The following ZNF184 variants were observed in gnomAD, a reference collection of about 807,000 sequenced individuals.
ZNF184 encodes the protein zinc finger protein 184 (Kruppel-like).
A neutral mutation model predicts 54.4 loss-of-function variants in ZNF184; 16 were observed. That is an observed-to-expected ratio of 0.29 (90% CI 0.20 to 0.45). The LOEUF is 0.45. Ranked by LOEUF, ZNF184 falls within the 20% of genes least tolerant of loss-of-function variation. The pLI is 1.00. For missense variants in ZNF184, 681 were observed against 888.2 expected, an observed-to-expected ratio of 0.77 and a Z score of 2.97; for synonymous variants, 254 against 295.3, an observed-to-expected ratio of 0.86 and a Z score of 1.43.
chr6:27,443,340 A>G, the ZNF184 span, among the ~76,000 whole-genome samples: 3 of 152,272 alleles, frequency 2.0e-5, no homozygotes, highest in East Asian at 5.8e-4. Context: ...GACACCTGCT[A>G]TCAAACTAAA....
intron 3 of ZNF184, among the ~76,000 whole-genome samples, chr6:27,460,848 T>C (rs1762976520): frequency 6.6e-6 from 1 of 152,182 alleles, no homozygotes; most frequent in Non-Finnish European, 1.5e-5. Flanking sequence ...AGAAAGAATA[T>C]AAGCAGCAGG....
the ZNF184 span, among the ~76,000 whole-genome samples, chr6:27,424,166 G>A: frequency 2.6e-5 from 4 of 152,188 alleles, no homozygotes; most frequent in South Asian, 2.1e-4. Flanking sequence ...GACCTTTGCG[G>A]TAAGTGTTAG....
At chr6:27,428,820 C>T in the ZNF184 span, among the ~76,000 whole-genome samples, 6,298 of 152,250 alleles carry the variant, frequency 0.041, 296 homozygotes, top group African/African-American at 0.12. This position sits in a 1 kb window ranked among gnomAD's most constrained non-coding sequence, Gnocchi z 4.1. Context: ...GGAGATAATA[C>T]TCCAAGTCTT....
intron 3 of ZNF184, among the ~76,000 whole-genome samples, 180 bp downstream of exon 3, chr6:27,467,673 G>A (rs543206653): frequency 1.3e-5 from 2 of 152,326 alleles, no homozygotes; most frequent in African/African-American, 4.8e-5. Context: ...CAAGTGGTAA[G>A]TGGTGAATGT....
intron 2 of ZNF184, 85 bp from the exon 3 acceptor site, chr6:27,468,005 G>T: frequency 9.1e-7 from 1 of 1,098,154 alleles, no homozygotes; most frequent in Non-Finnish European, 1.3e-6. Flanking sequence ...TCTTCTATTT[G>T]AAAATAACAG....
chr6:27,435,140 A>C, the ZNF184 span, among the ~76,000 whole-genome samples: 3 of 152,106 alleles, frequency 2.0e-5, no homozygotes, highest in Admixed American at 6.5e-5. Context: ...GGGTCCTTTG[A>C]GATACCATGT....
chr6:27,441,053 A>C, the ZNF184 span, among the ~76,000 whole-genome samples: 1 of 152,112 alleles, frequency 6.6e-6, no homozygotes, highest in Non-Finnish European at 1.5e-5. Context: ...GAAGGTGCAA[A>C]CTATCATGAA....
chr6:27,421,537 A>G, the ZNF184 span, among the ~76,000 whole-genome samples: 24 of 152,246 alleles, frequency 1.6e-4, no homozygotes, highest in Admixed American at 2.6e-4. Context: ...CCTATGAAGT[A>G]TCTGTCCACG....
chr6:27,410,307 C>T, the ZNF184 span, among the ~76,000 whole-genome samples: 2 of 152,192 alleles, frequency 1.3e-5, no homozygotes, highest in African/African-American at 2.4e-5. Flanking sequence ...GACTCCAGTA[C>T]TGGATCTCTT....
At position 27,472,493 on chromosome 6, in the gene ZNF184, CAA is replaced by C; in HGVS notation, c.-139-62_-139-61del. 1.6e-6 allele frequency: 1 copy of C among 623,710 alleles called. No homozygotes were observed. The highest frequency in any genetic ancestry group is 1.9e-5 in the South Asian group (1 of 51,796). The allele number at this position is 623,710 out of a possible 1,614,324, so 38.6% of individuals were successfully genotyped here. A position where few individuals can be genotyped will look rare whatever the true frequency, so the allele number is the denominator to read the frequency against. Reference sequence around the variant, plus strand: ...CACACAATCACACATCAGAGTCTTGCAAAGTGACCAAGAGGTGCTACACAAGA... The same window carrying C: ...CACACAATCACACATCAGAGTCTTGCAGTGACCAAGAGGTGCTACACAAGA... On this transcript the variant is annotated intron_variant, in intron 1 of 5. Transcript: ENST00000683788. This position sits in a 1 kb window ranked among gnomAD's most constrained non-coding sequence, Gnocchi z 4.8.
chr6:27,466,686 A>C (rs1763147969), intron 3 of ZNF184, among the ~76,000 whole-genome samples: 1 of 152,216 alleles, frequency 6.6e-6, no homozygotes, highest in South Asian at 2.1e-4. Flanking sequence ...TTAAAAAAAA[A>C]AATACCAAAA....
the ZNF184 span, among the ~76,000 whole-genome samples, chr6:27,410,656 C>A: frequency 6.6e-6 from 1 of 152,126 alleles, no homozygotes; most frequent in African/African-American, 2.4e-5. Flanking sequence ...CTCAGCTTCC[C>A]GAGTAGCTGA....
chr6:27,446,503 G>T (rs1167042751), downstream of ZNF184, among the ~76,000 whole-genome samples: 1 of 152,206 alleles, frequency 6.6e-6, no homozygotes, highest in Admixed American at 6.5e-5. Flanking sequence ...GATTTCAAAG[G>T]ATGTTGCTGA....
the ZNF184 span, among the ~76,000 whole-genome samples, chr6:27,423,155 C>T: frequency 1.3e-5 from 2 of 152,202 alleles, no homozygotes; most frequent in African/African-American, 4.8e-5. Flanking sequence ...CTCCGAGCTG[C>T]TTATCGTCAC....
chr6:27,464,533 C>A (rs1476956793), intron 3 of ZNF184, among the ~76,000 whole-genome samples: 1 of 151,176 alleles, frequency 6.6e-6, no homozygotes, highest in Non-Finnish European at 1.5e-5. Context: ...CATATTCAAT[C>A]CAAAAGAAGG....
At chr6:27,456,549 A>G (rs994110581) in intron 5 of ZNF184, among the ~76,000 whole-genome samples, 1 of 152,240 alleles carries the variant, frequency 6.6e-6, no homozygotes, top group Non-Finnish European at 1.5e-5. Context: ...TAAAGGAAGT[A>G]GAAAGAGATG....
At chr6:27,440,655 G>C in the ZNF184 span, among the ~76,000 whole-genome samples, 2,295 of 152,208 alleles carry the variant, frequency 0.015, 33 homozygotes, top group African/African-American at 0.039. Flanking sequence ...ATTGGGTTTG[G>C]GGGGAGCTTT....
the ZNF184 span, among the ~76,000 whole-genome samples, chr6:27,407,472 C>T: frequency 6.6e-6 from 1 of 152,204 alleles, no homozygotes; most frequent in Admixed American, 6.5e-5. Flanking sequence ...TTACAGGGGC[C>T]AGTAGCTTCA....
the ZNF184 span, among the ~76,000 whole-genome samples, chr6:27,422,148 A>AAAGAAAGAAAGAAAGAAAGAAAG: frequency 2.3e-5 from 1 of 43,468 alleles, no homozygotes; most frequent in African/African-American, 8.4e-5. Flanking sequence ...CTCAAAAAAA[A>AAAGAAAGAAAGAAAGAAAGAAAG]AAAGAAAGAA....
Sources: gnomAD v4.1 joint callset for allele counts (sites outside exome capture counted in the v4.1 genomes callset) on GRCh38, gnomAD v4.1.1 for gene constraint, Gnocchi (gnomAD v3.1) non-coding constraint, MANE v1.5 for transcripts, NCBI Gene and HGNC (gene_info 2026-07-23, HGNC 2026-07-21) for gene names.